Variants in CRISPLD2 observed in about 807,000 individuals in gnomAD.
CRISPLD2 encodes the protein cysteine-rich secretory protein LCCL domain-containing 2.
A neutral mutation model predicts 71.1 loss-of-function variants in CRISPLD2; 47 were observed. That is an observed-to-expected ratio of 0.66 (90% CI 0.52 to 0.84). CRISPLD2 has a LOEUF of 0.84. Among genes scored for constraint, CRISPLD2 ranks in the 40% least tolerant of loss-of-function variants. The pLI is 0.00. For missense variants in CRISPLD2, 830 were observed against 651.1 expected (o/e 1.27, Z -2.99); for synonymous variants, 317 against 250.1 (o/e 1.27, Z -2.52).
At chr16:84,876,571 T>C (rs1035188372) in intron 11 of CRISPLD2, among the ~76,000 whole-genome samples, 2 of 151,158 alleles carry the variant, frequency 1.3e-5, no homozygotes, top group Admixed American at 1.3e-4. Context: ...GGCAGGTGGA[T>C]TACCTGAGGT....
chr16:84,863,957 CAA>C (rs781013604), intron 6 of CRISPLD2, among the ~76,000 whole-genome samples: 78 of 80,796 alleles, frequency 9.7e-4, no homozygotes, highest in East Asian at 3.0e-3. Context: ...AACTTCCTCT[CAA>C]AAAAAAAAAA....
intron 4 of CRISPLD2, 46 bp from the exon 5 acceptor site, chr16:84,850,522 T>A (rs775536619): frequency 1.3e-6 from 2 of 1,533,786 alleles, no homozygotes; most frequent in Admixed American, 3.3e-5. Context: ...ATCACCCTTT[T>A]GTGCCTTATC....
At chr16:84,895,938 C>T (rs1447721961) in intron 14 of CRISPLD2, among the ~76,000 whole-genome samples, 2 of 152,084 alleles carry the variant, frequency 1.3e-5, no homozygotes, top group Admixed American at 1.3e-4. Context: ...TTAACCAGCC[C>T]AAGGTCCTAA....
At chr16:84,876,051 A>G (rs2071515753) in intron 11 of CRISPLD2, among the ~76,000 whole-genome samples, 1 of 152,126 alleles carries the variant, frequency 6.6e-6, no homozygotes, top group African/African-American at 2.4e-5. Context: ...AATCCTGCCT[A>G]TTGCCTGCTT....
At chr16:84,850,713 T>A in intron 5 of CRISPLD2, 30 bp downstream of exon 5, 7 of 1,572,900 alleles carry the variant, frequency 4.5e-6, no homozygotes, top group Non-Finnish European at 6.1e-6. Context: ...TTGTATGGGG[T>A]GGGGGTTGGG....
chr16:84,824,445 G>C (rs1412461077), intron 1 of CRISPLD2, among the ~76,000 whole-genome samples: 1 of 152,228 alleles, frequency 6.6e-6, no homozygotes, highest in African/African-American at 2.4e-5. Context: ...CACGGGCACA[G>C]ATCCAGCAGC....
At chr16:84,858,007 C>T (rs750113386) in intron 6 of CRISPLD2, among the ~76,000 whole-genome samples, 5 of 152,300 alleles carry the variant, frequency 3.3e-5, no homozygotes, top group East Asian at 1.9e-4. Flanking sequence ...CATAGTCAAA[C>T]GTTCAGTTTC....
intron 1 of CRISPLD2, among the ~76,000 whole-genome samples, chr16:84,837,958 C>T (rs1184491265): frequency 6.6e-6 from 1 of 152,328 alleles, no homozygotes; most frequent in South Asian, 2.1e-4. Flanking sequence ...ATGTCAACCA[C>T]TATTGGTAAA....
intron 12 of CRISPLD2, 38 bp downstream of exon 12, chr16:84,877,548 A>G: frequency 6.2e-7 from 1 of 1,603,336 alleles, no homozygotes; most frequent in Non-Finnish European, 8.5e-7. Flanking sequence ...TCTATGGAAG[A>G]TGTTAGAAGT....
intron 8 of CRISPLD2, among the ~76,000 whole-genome samples, chr16:84,869,516 T>C (rs113961402): frequency 7.2e-4 from 109 of 152,346 alleles, no homozygotes; most frequent in African/African-American, 2.5e-3. Context: ...AGGAGAACAC[T>C]TCACTTAGAC....
intron 1 of CRISPLD2, among the ~76,000 whole-genome samples, chr16:84,823,405 T>C (rs1916275158): frequency 6.6e-6 from 1 of 152,234 alleles, no homozygotes; most frequent in South Asian, 2.1e-4. Flanking sequence ...ATATGGTAAC[T>C]TTATGTTTAA....
Position 84,872,522 on chromosome 16 carries a change from GTCC to G in CRISPLD2, c.981+20_981+22del. 2 of 1,609,098 alleles carry G rather than the reference GTCC, an allele frequency of 1.2e-6. No individual in the cohort carries two copies. Among genetic ancestry groups the G allele is most frequent in the Admixed American group, 1.7e-5 (1 of 59,708 alleles). ...TTCTATGAAAGCGTGAGTGTGGCCA[GTCC>G]TCCTCTCAATGGCTTGTGTGGGATC... On this transcript the variant is annotated intron_variant, in intron 9 of 14. Coordinates refer to ENST00000262424, the MANE Select transcript of CRISPLD2 (RefSeq NM_031476.4).
intron 14 of CRISPLD2, among the ~76,000 whole-genome samples, chr16:84,892,543 T>C (rs1185468213): frequency 6.6e-6 from 1 of 152,134 alleles, no homozygotes; most frequent in African/African-American, 2.4e-5. Flanking sequence ...AGTTGTCCAG[T>C]ACAGTAGCCA....
chr16:84,890,997 C>G (rs1383285989), intron 14 of CRISPLD2, among the ~76,000 whole-genome samples: 2 of 152,136 alleles, frequency 1.3e-5, no homozygotes, highest in African/African-American at 4.8e-5. Context: ...CAACTCCTGA[C>G]CTCAGGTGAT....
At chr16:84,855,901 C>T (rs1917226536) in intron 6 of CRISPLD2, among the ~76,000 whole-genome samples, 1 of 152,148 alleles carries the variant, frequency 6.6e-6, no homozygotes, top group African/African-American at 2.4e-5. Flanking sequence ...AATCTTATGT[C>T]CCATGATGAA....
At chr16:84,889,403 C>T (rs771153017) in intron 14 of CRISPLD2, 40 bp downstream of exon 14, 1 of 1,577,838 alleles carries the variant, frequency 6.3e-7, no homozygotes, top group East Asian at 2.3e-5. Context: ...CCAATCCCGG[C>T]TGCTAATGGT....
chr16:84,895,951 A>G (rs1356801547), intron 14 of CRISPLD2, among the ~76,000 whole-genome samples: 1 of 152,100 alleles, frequency 6.6e-6, no homozygotes, highest in Non-Finnish European at 1.5e-5. Flanking sequence ...GGTCCTAAAG[A>G]TGAGAGCTAA....
chr16:84,853,089 C>G (rs900942682), intron 5 of CRISPLD2, among the ~76,000 whole-genome samples: 1 of 152,154 alleles, frequency 6.6e-6, no homozygotes, highest in African/African-American at 2.4e-5. Context: ...GATTATTTGT[C>G]TGCAGGACCT....
At chr16:84,866,828 T>C in intron 6 of CRISPLD2, 69 bp from the exon 7 acceptor site, 1 of 1,501,918 alleles carries the variant, frequency 6.7e-7, no homozygotes, top group Non-Finnish European at 9.1e-7. Flanking sequence ...AAATTGCTTT[T>C]TTTTCCCCAA....
Sources: allele counts gnomAD v4.1 joint callset (sites outside exome capture counted in the v4.1 genomes callset), GRCh38; gene constraint gnomAD v4.1.1; transcripts MANE v1.5; gene names NCBI Gene and HGNC (gene_info 2026-07-23, HGNC 2026-07-21).